ST6GALNAC5: variants seen among roughly 807,000 people sequenced by gnomAD.
The protein encoded by ST6GALNAC5 is ST6 N-acetylgalactosaminide alpha-2,6-sialyltransferase 5, also known as alpha-N-acetylgalactosaminide alpha-2,6-sialyltransferase 5.
A neutral mutation model predicts 33.6 loss-of-function variants in ST6GALNAC5; 27 were observed. That is an observed-to-expected ratio of 0.80 (90% CI 0.59 to 1.11). ST6GALNAC5 has a LOEUF of 1.11. Among genes scored for constraint, ST6GALNAC5 ranks in the 50% least tolerant of loss-of-function variants. The pLI, the probability that ST6GALNAC5 is intolerant of heterozygous loss-of-function variation, is 0.00. For synonymous variants in ST6GALNAC5, 194 were observed against 171.2 expected, an observed-to-expected ratio of 1.13 and a Z score of -1.04; for missense variants, 428 against 454.0, an observed-to-expected ratio of 0.94 and a Z score of 0.52.
chr1:77,014,550 C>T (rs1383969389), intron 2 of ST6GALNAC5, among the ~76,000 whole-genome samples: 1 of 152,190 alleles, frequency 6.6e-6, no homozygotes, highest in Non-Finnish European at 1.5e-5. Flanking sequence ...TCAGAAGATG[C>T]AAAATGGAAT....
intron 2 of ST6GALNAC5, among the ~76,000 whole-genome samples, chr1:76,951,662 C>T (rs1186375039): frequency 1.3e-5 from 2 of 151,838 alleles, no homozygotes; most frequent in Non-Finnish European, 2.9e-5. Flanking sequence ...ATTAAACTGC[C>T]AAGAATGTAT....
chr1:76,960,912 C>A (rs561959973), intron 2 of ST6GALNAC5, among the ~76,000 whole-genome samples: 4 of 152,094 alleles, frequency 2.6e-5, no homozygotes, highest in Non-Finnish European at 5.9e-5. Context: ...GTGCAGTTAA[C>A]ACAATCATCA....
At chr1:76,982,987 G>C (rs1448672850) in intron 2 of ST6GALNAC5, among the ~76,000 whole-genome samples, 1 of 152,000 alleles carries the variant, frequency 6.6e-6, no homozygotes, top group African/African-American at 2.4e-5. Flanking sequence ...CACCAGGCCT[G>C]CTTTACAAGA....
intron 2 of ST6GALNAC5, among the ~76,000 whole-genome samples, chr1:77,001,739 T>G (rs1380316376): frequency 3.3e-5 from 5 of 150,262 alleles, no homozygotes; most frequent in Admixed American, 6.6e-5. Context: ...CTGCATCTAT[T>G]GAGATAATCA....
rs1027601820 is a variant in ST6GALNAC5 at position 76,867,507 on chromosome 1, A to C, written c.-169A>C. 4.1e-6 allele frequency: 4 copies of C among 970,176 alleles called. No individual in the cohort carries two copies. The highest frequency in any genetic ancestry group is 6.6e-6 in the Non-Finnish European group (4 of 606,116). 60.1% of individuals were successfully genotyped at this position (970,176 alleles called of 1,614,324 possible). On this transcript the variant is annotated 5_prime_UTR_variant, in exon 1 of 5. Transcript: ENST00000477717. ...TTTTAATTCTGTCTCTAATCTCTGC[A>C]ACAGCCGCGCTTCCCGGGTCCCGCG...
Position 76,954,137 on chromosome 1 carries a change from A to G in ST6GALNAC5, c.261+85395A>G, listed in dbSNP as rs753744387. On this transcript the variant is annotated intron_variant, in intron 2 of 4. Transcript: ENST00000477717. ...ATGATGAGTGTTTACCTAAATGCCC[A>G]TCAGTGATAGACTGGACAAAAAAAA... Among the ~76,000 whole-genome samples the G allele has an allele frequency of 2.6e-5, 4 of 152,156 alleles. 1 individual carries two copies. Among genetic ancestry groups the G allele is most frequent in the Non-Finnish European group, 4.4e-5 (3 of 68,024 alleles).
intron 2 of ST6GALNAC5, among the ~76,000 whole-genome samples, chr1:77,022,235 C>T (rs760134990): frequency 6.6e-6 from 1 of 152,186 alleles, no homozygotes; most frequent in Non-Finnish European, 1.5e-5. Flanking sequence ...AATATACCTG[C>T]ACCTTTCCTA....
At position 76,868,591 on chromosome 1, in the gene ST6GALNAC5, CGCAGCA is replaced by C. The variant is rs113832855; in HGVS notation, c.129_134del (p.Gln48_Gln49del). 36 of 1,609,624 alleles carry C rather than the reference CGCAGCA, an allele frequency of 2.2e-5. No individual in the cohort carries two copies. The highest frequency in any genetic ancestry group is 2.8e-5 in the Non-Finnish European group (33 of 1,178,298). On this transcript the variant is annotated inframe_deletion, in exon 2 of 5. Coordinates refer to ENST00000477717, the MANE Select transcript of ST6GALNAC5 (RefSeq NM_030965.3). The surrounding 1 kb of genome is among the most constrained non-coding windows in gnomAD (Gnocchi z 4.3). ...CTCGGCGGCCAGAAGGAGCGGCCCC[CGCAGCA>C]GCAGCAGCAGCAGCAGCAACAGCAG...
At chr1:76,873,625 T>C (rs1332134229) in intron 2 of ST6GALNAC5, among the ~76,000 whole-genome samples, 2 of 152,202 alleles carry the variant, frequency 1.3e-5, no homozygotes, top group Admixed American at 6.5e-5. Context: ...TTCCAAAATT[T>C]GTTCTGCCCA....
intron 2 of ST6GALNAC5, among the ~76,000 whole-genome samples, chr1:76,882,578 T>G (rs1008780474): frequency 6.6e-6 from 1 of 152,210 alleles, no homozygotes; most frequent in African/African-American, 2.4e-5. Flanking sequence ...TCACTCTTAA[T>G]GGCTAAGGAG....
intron 2 of ST6GALNAC5, among the ~76,000 whole-genome samples, chr1:77,032,588 C>T (rs1407106818): frequency 6.6e-6 from 1 of 152,058 alleles, no homozygotes; most frequent in Non-Finnish European, 1.5e-5. Flanking sequence ...CTAATAGCTG[C>T]TCCTTACTGA....
chr1:77,019,398 G>T (rs186272858), intron 2 of ST6GALNAC5, among the ~76,000 whole-genome samples: 138 of 152,280 alleles, frequency 9.1e-4, no homozygotes, highest in Middle Eastern at 3.4e-3. Flanking sequence ...TCATCACTGT[G>T]TTCTGTTCTC....
intron 2 of ST6GALNAC5, among the ~76,000 whole-genome samples, chr1:76,947,538 A>G (rs1647568492): frequency 6.6e-6 from 1 of 151,950 alleles, no homozygotes; most frequent in Admixed American, 6.6e-5. Flanking sequence ...GAAGTTTGAG[A>G]CCAGCCTTGG....
chr1:76,980,692 C>A (rs962058364), intron 2 of ST6GALNAC5, among the ~76,000 whole-genome samples: 1 of 152,128 alleles, frequency 6.6e-6, no homozygotes, highest in Admixed American at 6.5e-5. Flanking sequence ...AATGGAACCA[C>A]CTTTCCACTC....
intron 2 of ST6GALNAC5, among the ~76,000 whole-genome samples, chr1:76,974,524 T>C (rs1648917600): frequency 2.0e-5 from 3 of 151,976 alleles, no homozygotes; most frequent in Non-Finnish European, 1.5e-5. Context: ...TTTAGAGCTA[T>C]TTCAGAAGCT....
intron 1 of ST6GALNAC5, among the ~76,000 whole-genome samples, chr1:76,867,974 G>A (rs4949752): frequency 0.35 from 52,811 of 152,016 alleles, 10,325 homozygotes; most frequent in Non-Finnish European, 0.44. Flanking sequence ...GGAGGAGTGG[G>A]CAGATTGCTC....
intron 2 of ST6GALNAC5, among the ~76,000 whole-genome samples, chr1:76,943,066 GC>G (rs1325009331): frequency 6.6e-6 from 1 of 151,970 alleles, no homozygotes; most frequent in African/African-American, 2.4e-5. Flanking sequence ...TTTCTTACAG[GC>G]AACTTTTGTC....
intron 2 of ST6GALNAC5, among the ~76,000 whole-genome samples, chr1:76,903,967 T>C (rs1646841209): frequency 6.6e-6 from 1 of 152,162 alleles, no homozygotes. Context: ...TGAAATTGAC[T>C]GTGGGGGTGG....
chr1:76,947,135 A>T (rs1647548616), intron 2 of ST6GALNAC5, among the ~76,000 whole-genome samples: 1 of 152,060 alleles, frequency 6.6e-6, no homozygotes, highest in African/African-American at 2.4e-5. Context: ...TTTTTCTTTC[A>T]TTAGACATTA....
Sources: gnomAD v4.1 joint callset for allele counts (sites outside exome capture counted in the v4.1 genomes callset) on GRCh38, gnomAD v4.1.1 for gene constraint, Gnocchi (gnomAD v3.1) non-coding constraint, MANE v1.5 for transcripts, NCBI Gene and HGNC (gene_info 2026-07-23, HGNC 2026-07-21) for gene names.